The following RMDN2 variants were observed in gnomAD, a reference collection of about 807,000 sequenced individuals.
RMDN2 encodes the protein regulator of microtubule dynamics protein 2.
Under a neutral mutation model 52.8 loss-of-function variants are expected in RMDN2, and 61 were observed. That is an observed-to-expected ratio of 1.16 (90% CI 0.94 to 1.43). RMDN2 has a LOEUF of 1.43. Among genes scored for constraint, RMDN2 ranks in the 40% most tolerant of loss-of-function variants. RMDN2 has a pLI of 0.00. For synonymous variants in RMDN2, 180 were observed against 153.1 expected (o/e 1.18, Z -1.30); for missense variants, 592 against 475.3 (o/e 1.25, Z -2.28).
At chr2:37,951,450 T>G (rs1466460848) in intron 2 of RMDN2, 10 of 1,612,628 alleles carry the variant, frequency 6.2e-6, no homozygotes, top group Middle Eastern at 1.7e-4. Context: ...AAGATATTCT[T>G]TATTTGTTGG....
At chr2:37,929,056 A>T (rs1278330673) in intron 1 of RMDN2, 1 of 412,014 alleles carries the variant, frequency 2.4e-6, no homozygotes. Context: ...TGCATCTTTA[A>T]CTTAATATGA....
chr2:38,036,057 G>T (rs937421100), intron 10 of RMDN2: 4 of 152,068 alleles, frequency 2.6e-5, no homozygotes, highest in Non-Finnish European at 5.9e-5. Flanking sequence ...GAACTAAATA[G>T]CCTCGCTGGG....
intron 4 of RMDN2, among the ~76,000 whole-genome samples, chr2:37,977,897 C>G (rs1672748360): frequency 6.6e-6 from 1 of 151,906 alleles, no homozygotes; most frequent in Non-Finnish European, 1.5e-5. Flanking sequence ...GGCAGAGACG[C>G]TCCTCACTTC....
intron 10 of RMDN2, among the ~76,000 whole-genome samples, chr2:38,014,205 T>G (rs1678414592): frequency 6.6e-6 from 1 of 151,694 alleles, no homozygotes; most frequent in Non-Finnish European, 1.5e-5. Context: ...AGAGTGAAAC[T>G]CCGTCGCAAA....
chr2:37,923,020 G>T (rs1666076428), upstream of RMDN2, among the ~76,000 whole-genome samples: 2 of 152,168 alleles, frequency 1.3e-5, no homozygotes, highest in Non-Finnish European at 2.9e-5. Flanking sequence ...ATGCCGTACT[G>T]GTTTGATGAA....
At chr2:38,026,742 T>TC (rs1397965071) in intron 10 of RMDN2, among the ~76,000 whole-genome samples, 2 of 152,204 alleles carry the variant, frequency 1.3e-5, no homozygotes, top group African/African-American at 4.8e-5. Context: ...CCTAATGCTA[T>TC]CCCTCCCCTA....
At chr2:38,022,857 CCAATAAA>C in intron 10 of RMDN2, among the ~76,000 whole-genome samples, 1 of 152,294 alleles carries the variant, frequency 6.6e-6, no homozygotes, top group Middle Eastern at 3.4e-3. Flanking sequence ...CTCATTTTTA[CCAATAAA>C]CAGTTTAAGC....
rs577299180 is a variant in RMDN2 at position 37,936,725 on chromosome 2, C to G, written c.452+6996C>G. 2.0e-5 allele frequency among the ~76,000 whole-genome samples: 3 copies of G among 152,274 alleles called. No homozygotes were observed. The East Asian group carries it at 5.8e-4, about 29-fold the overall frequency. On this transcript the variant is annotated intron_variant, in intron 2 of 10. Coordinates refer to ENST00000354545, the MANE Select transcript of RMDN2 (RefSeq NM_001170791.3). ...AGTGTCTGTTTATATCCTTTGCCCA[C>G]TTTTTGATGGGGTTGTTTGCTTTTT...
intron 10 of RMDN2, among the ~76,000 whole-genome samples, chr2:38,061,581 T>C (rs1462960705): frequency 6.6e-6 from 1 of 151,806 alleles, no homozygotes; most frequent in Non-Finnish European, 1.5e-5. Context: ...TGTTGCCTCC[T>C]TCAGGAAGGC....
At chr2:37,941,878 C>T (rs1320923887) in intron 2 of RMDN2, among the ~76,000 whole-genome samples, 1 of 151,546 alleles carries the variant, frequency 6.6e-6, no homozygotes, top group African/African-American at 2.4e-5. Context: ...TCCCTGGCTT[C>T]AGCCCCCTTT....
At chr2:38,021,732 C>T (rs576569133), downstream of RMDN2, among the ~76,000 whole-genome samples, 10 of 152,256 alleles carry the variant, frequency 6.6e-5, no homozygotes, top group African/African-American at 2.2e-4. Flanking sequence ...TAGGGTTGGC[C>T]GTACAAATCC....
upstream of RMDN2, chr2:37,925,226 G>C (rs1228395843): frequency 6.6e-6 from 1 of 152,324 alleles, no homozygotes; most frequent in Non-Finnish European, 1.5e-5. Flanking sequence ...CACCACGAGA[G>C]GGAGAGGGGG....
intron 2 of RMDN2, among the ~76,000 whole-genome samples, chr2:37,940,948 C>T (rs548734889): frequency 4.6e-5 from 7 of 152,246 alleles, no homozygotes; most frequent in Admixed American, 1.3e-4. Flanking sequence ...TGAGGAGTTG[C>T]GATCCTTTGG....
chr2:37,999,016 TTAAC>T (rs1441404556), intron 8 of RMDN2, among the ~76,000 whole-genome samples: 2 of 152,238 alleles, frequency 1.3e-5, no homozygotes, highest in Non-Finnish European at 2.9e-5. Context: ...AGATGCCACA[TTAAC>T]TAGCAAAAAT....
At chr2:37,972,212 C>G (rs1025541372) in intron 2 of RMDN2, among the ~76,000 whole-genome samples, 1 of 152,012 alleles carries the variant, frequency 6.6e-6, no homozygotes, top group Non-Finnish European at 1.5e-5. Flanking sequence ...AGCCAATTTG[C>G]TATACTCTCC....
chr2:38,043,246 C>CAT (rs1383493894), intron 10 of RMDN2, among the ~76,000 whole-genome samples: 1 of 152,100 alleles, frequency 6.6e-6, no homozygotes, highest in East Asian at 1.9e-4. Context: ...TATGTAGTGA[C>CAT]CATCTCTGTG....
chr2:38,024,483 T>A (rs900127133), intron 10 of RMDN2, among the ~76,000 whole-genome samples: 5 of 152,158 alleles, frequency 3.3e-5, no homozygotes, highest in African/African-American at 4.8e-5. Context: ...GCACTAGGCA[T>A]GTAGTATATC....
chr2:37,922,947 G>A (rs1484376375), upstream of RMDN2, among the ~76,000 whole-genome samples: 1 of 152,212 alleles, frequency 6.6e-6, no homozygotes, highest in Non-Finnish European at 1.5e-5. Context: ...GCGGAGAAAA[G>A]CTGGAAAAGT....
chr2:38,002,697 A>G (rs984522414), intron 8 of RMDN2, among the ~76,000 whole-genome samples: 23 of 152,368 alleles, frequency 1.5e-4, no homozygotes, highest in African/African-American at 4.3e-4. Flanking sequence ...GTTACATGTC[A>G]AACGGCTGAT....
Sources: gnomAD v4.1 joint callset for allele counts (sites outside exome capture counted in the v4.1 genomes callset) on GRCh38, gnomAD v4.1.1 for gene constraint, MANE v1.5 for transcripts, NCBI Gene and HGNC (gene_info 2026-07-23, HGNC 2026-07-21) for gene names.